The following PDE1A variants were observed in gnomAD, a reference collection of about 807,000 sequenced individuals.
PDE1A encodes the protein phosphodiesterase 1A, also known as dual specificity calcium/calmodulin-dependent 3',5'-cyclic nucleotide phosphodiesterase 1A.
In PDE1A, 35 loss-of-function variants were observed where a neutral mutation model predicts 61.7. The observed-to-expected ratio is 0.57, with a 90% CI of 0.43 to 0.75. PDE1A has a LOEUF of 0.75. Ranked by LOEUF, PDE1A falls within the 30% of genes least tolerant of loss-of-function variation. The pLI is 0.00. For synonymous variants in PDE1A, 232 were observed against 213.2 expected, an observed-to-expected ratio of 1.09 and a Z score of -0.77; for missense variants, 597 against 630.6, an observed-to-expected ratio of 0.95 and a Z score of 0.57.
At chr2:182,640,015 TTAAA>T in the PDE1A span, among the ~76,000 whole-genome samples, 1 of 152,140 alleles carries the variant, frequency 6.6e-6, no homozygotes, top group Non-Finnish European at 1.5e-5. Flanking sequence ...AGCAAGAACT[TTAAA>T]TAATTTCTTG....
At chr2:182,247,718 A>G (rs1438484041) in intron 2 of PDE1A, among the ~76,000 whole-genome samples, 2 of 152,206 alleles carry the variant, frequency 1.3e-5, no homozygotes, top group Non-Finnish European at 2.9e-5. Flanking sequence ...TAATTATTAT[A>G]AAGAATTTTC....
intron 2 of PDE1A, among the ~76,000 whole-genome samples, chr2:182,263,283 AT>A (rs200275667): frequency 1.3e-5 from 2 of 151,784 alleles, no homozygotes; most frequent in Non-Finnish European, 2.9e-5. Context: ...AATGCTGCCT[AT>A]TTTTTTTCTC....
chr2:182,209,581 T>A (rs1687406218), intron 7 of PDE1A, among the ~76,000 whole-genome samples: 1 of 151,710 alleles, frequency 6.6e-6, no homozygotes, highest in Non-Finnish European at 1.5e-5. Context: ...TAATCTCCAG[T>A]ACTGGTAGAG....
chr2:182,408,807 C>G (rs1370297709), intron 1 of PDE1A, among the ~76,000 whole-genome samples: 1 of 152,222 alleles, frequency 6.6e-6, no homozygotes, highest in Non-Finnish European at 1.5e-5. Flanking sequence ...ACACCATGGC[C>G]TTTGCTCACT....
chr2:182,286,647 G>A (rs1694184324), intron 1 of PDE1A, among the ~76,000 whole-genome samples: 2 of 152,116 alleles, frequency 1.3e-5, no homozygotes, highest in South Asian at 4.1e-4. Context: ...CATTAAGCCG[G>A]TGGAGAGGGA....
At chr2:182,529,844 A>G in the PDE1A span, among the ~76,000 whole-genome samples, 252 of 152,312 alleles carry the variant, frequency 1.7e-3, 2 homozygotes, top group African/African-American at 5.8e-3. Context: ...GATTTCCACC[A>G]TGATTGTGAG....
the PDE1A span, among the ~76,000 whole-genome samples, chr2:182,714,300 C>T: frequency 6.6e-6 from 1 of 152,156 alleles, no homozygotes; most frequent in African/African-American, 2.4e-5. Context: ...TGGTCCACAA[C>T]TTTACTTATT....
intron 13 of PDE1A, among the ~76,000 whole-genome samples, chr2:182,151,125 T>C (rs986663805): frequency 3.9e-5 from 6 of 152,216 alleles, no homozygotes; most frequent in Non-Finnish European, 5.9e-5. Flanking sequence ...TTTGCTCTTG[T>C]TGTCCAGGCT....
chr2:182,237,166 A>C (rs1690083621), intron 3 of PDE1A, among the ~76,000 whole-genome samples: 1 of 152,198 alleles, frequency 6.6e-6, no homozygotes, highest in Non-Finnish European at 1.5e-5. Flanking sequence ...TTTCCATAAT[A>C]GTTACAAGAT....
chr2:182,676,667 A>C, the PDE1A span, among the ~76,000 whole-genome samples: 1 of 152,208 alleles, frequency 6.6e-6, no homozygotes, highest in Non-Finnish European at 1.5e-5. Flanking sequence ...AATCATCAAT[A>C]AAATACTTTC....
intron 1 of PDE1A, among the ~76,000 whole-genome samples, chr2:182,301,181 G>A (rs1695218613): frequency 6.6e-6 from 1 of 152,120 alleles, no homozygotes. Flanking sequence ...AAATGTAAAT[G>A]ACTGAAATAT....
intron 2 of PDE1A, among the ~76,000 whole-genome samples, chr2:182,440,394 A>G (rs1684710572): frequency 6.6e-6 from 1 of 152,084 alleles, no homozygotes; most frequent in Non-Finnish European, 1.5e-5. Context: ...AAACTCTAAC[A>G]GAAAGTAACT....
the PDE1A span, among the ~76,000 whole-genome samples, chr2:182,571,307 G>C: frequency 6.6e-6 from 1 of 152,066 alleles, no homozygotes; most frequent in Non-Finnish European, 1.5e-5. Flanking sequence ...AATGAAAAAA[G>C]AATAATGTAA....
At chr2:182,602,336 C>T in the PDE1A span, among the ~76,000 whole-genome samples, 1 of 152,210 alleles carries the variant, frequency 6.6e-6, no homozygotes, top group East Asian at 1.9e-4. Flanking sequence ...TCTGCTGCAG[C>T]CAGCATGATG....
intron 1 of PDE1A, among the ~76,000 whole-genome samples, chr2:182,397,995 T>G (rs1013269253): frequency 6.6e-6 from 1 of 152,044 alleles, no homozygotes; most frequent in African/African-American, 2.4e-5. Flanking sequence ...TTTCTAAAGA[T>G]GTTTACATGA....
intron 10 of PDE1A, among the ~76,000 whole-genome samples, chr2:182,198,793 A>G (rs756250289): frequency 3.9e-5 from 6 of 151,910 alleles, no homozygotes; most frequent in Non-Finnish European, 8.8e-5. Flanking sequence ...CTTTACTTGA[A>G]AAGTCTTTGT....
intron 2 of PDE1A, among the ~76,000 whole-genome samples, chr2:182,242,883 CCT>C (rs113191597): frequency 4.6e-5 from 6 of 130,210 alleles, no homozygotes; most frequent in Admixed American, 7.8e-5. Flanking sequence ...TCCTCTCCTC[CCT>C]CTCTCTCTCT....
At chr2:182,210,370 T>C (rs560843573) in intron 7 of PDE1A, among the ~76,000 whole-genome samples, 1 of 152,322 alleles carries the variant, frequency 6.6e-6, no homozygotes, top group Admixed American at 6.5e-5. Flanking sequence ...CTATTTGGTA[T>C]CTCATTGTTT....
intron 1 of PDE1A, among the ~76,000 whole-genome samples, chr2:182,364,689 T>A (rs150150743): frequency 2.0e-5 from 3 of 151,852 alleles, no homozygotes; most frequent in African/African-American, 7.2e-5. Context: ...TTATACTTCC[T>A]GATGGAGAAC....
Sources: allele counts gnomAD v4.1 joint callset (sites outside exome capture counted in the v4.1 genomes callset), GRCh38; gene constraint gnomAD v4.1.1; transcripts MANE v1.5; gene names NCBI Gene and HGNC (gene_info 2026-07-23, HGNC 2026-07-21).